MACROD2: variants seen among roughly 807,000 people sequenced by gnomAD.
The protein encoded by MACROD2 is ADP-ribose glycohydrolase MACROD2.
A neutral mutation model predicts 70.4 loss-of-function variants in MACROD2; 36 were observed. The ratio of observed to expected loss-of-function variants is 0.51; its 90% CI spans 0.39 to 0.68. The LOEUF (loss-of-function observed/expected upper bound fraction) is 0.68, where lower values mean the gene tolerates loss of function less well. Among genes scored for constraint, MACROD2 ranks in the 30% least tolerant of loss-of-function variants. MACROD2 has a pLI of 0.00. For missense variants in MACROD2, 496 were observed against 538.4 expected (o/e 0.92, Z 0.78); for synonymous variants, 172 against 178.8 (o/e 0.96, Z 0.30).
At chr20:14,576,527 T>C (rs978789415) in intron 4 of MACROD2, among the ~76,000 whole-genome samples, 1 of 152,210 alleles carries the variant, frequency 6.6e-6, no homozygotes, top group African/African-American at 2.4e-5. Context: ...AAGTTGCTTT[T>C]GGGAACCAGT....
chr20:16,021,270 AT>A (rs2066997764), intron 15 of MACROD2, among the ~76,000 whole-genome samples: 1 of 152,170 alleles, frequency 6.6e-6, no homozygotes, highest in East Asian at 1.9e-4. Context: ...TCATGACCGC[AT>A]TCTCTCCTGG....
At chr20:14,972,163 T>C (rs1471425922) in intron 5 of MACROD2, among the ~76,000 whole-genome samples, 1 of 152,212 alleles carries the variant, frequency 6.6e-6, no homozygotes, top group Non-Finnish European at 1.5e-5. Context: ...TGCCAGGCCA[T>C]TAGGGGCTGT....
At chr20:14,277,904 A>G (rs769335633) in intron 3 of MACROD2, among the ~76,000 whole-genome samples, 24 of 152,322 alleles carry the variant, frequency 1.6e-4, no homozygotes, top group Middle Eastern at 3.4e-3. Flanking sequence ...CTGCAGAATT[A>G]TTTCACCATT....
intron 4 of MACROD2, among the ~76,000 whole-genome samples, chr20:14,639,560 C>G (rs375268839): frequency 6.6e-6 from 1 of 152,114 alleles, no homozygotes; most frequent in Non-Finnish European, 1.5e-5. Context: ...GTTCAATTGC[C>G]GTCAGGATAC....
At chr20:15,955,821 A>G (rs767514363) in intron 12 of MACROD2, among the ~76,000 whole-genome samples, 1 of 152,210 alleles carries the variant, frequency 6.6e-6, no homozygotes, top group Non-Finnish European at 1.5e-5. Context: ...TTATTGATAC[A>G]TGCATCAGGA....
At chr20:15,664,531 C>T (rs12480168) in intron 8 of MACROD2, among the ~76,000 whole-genome samples, 16,858 of 152,180 alleles carry the variant, frequency 0.11, 1,345 homozygotes, top group East Asian at 0.36. Context: ...TTTTGACTTA[C>T]ATGTCTGGGG....
In MACROD2 at chr20:15,229,414, A is replaced by G. The variant is rs903619576; in HGVS notation, c.419-526A>G. 1.4e-4 allele frequency among the ~76,000 whole-genome samples: 21 copies of G among 152,260 alleles called. No individual in the cohort carries two copies. In the South Asian group the frequency reaches 2.3e-3, roughly 17 times the overall value. On this transcript the variant is annotated intron_variant, in intron 5 of 17. Transcript: ENST00000684519. ...TCAAAATTGGCAGGAATGTTTTGCAATTATTCTTCTCAAGGTTATTAATGA... is the reference window on the plus strand; with the variant it reads ...TCAAAATTGGCAGGAATGTTTTGCAGTTATTCTTCTCAAGGTTATTAATGA...
At chr20:14,919,490 T>C (rs896309960) in intron 5 of MACROD2, among the ~76,000 whole-genome samples, 5 of 152,214 alleles carry the variant, frequency 3.3e-5, no homozygotes, top group African/African-American at 1.2e-4. Context: ...TCTGCTACTT[T>C]GAAAAGCAGT....
At chr20:16,031,112 G>A (rs558079009) in intron 15 of MACROD2, among the ~76,000 whole-genome samples, 104 of 152,108 alleles carry the variant, frequency 6.8e-4, no homozygotes, top group Non-Finnish European at 1.4e-3. Flanking sequence ...TATTCACAAT[G>A]TATTAGACAG....
chr20:14,972,719 G>A (rs1292928987), intron 5 of MACROD2, among the ~76,000 whole-genome samples: 1 of 152,130 alleles, frequency 6.6e-6, no homozygotes, highest in Non-Finnish European at 1.5e-5. Context: ...GAGCACTTTG[G>A]ATTCATTTAG....
chr20:16,038,539 T>TG (rs2067265207), intron 15 of MACROD2, among the ~76,000 whole-genome samples: 1 of 151,562 alleles, frequency 6.6e-6, no homozygotes, highest in African/African-American at 2.4e-5. Context: ...GGGGTTTTTT[T>TG]TTTTCGGTTC....
At chr20:14,027,410 T>G (rs952888112) in intron 2 of MACROD2, among the ~76,000 whole-genome samples, 1 of 152,066 alleles carries the variant, frequency 6.6e-6, no homozygotes, top group African/African-American at 2.4e-5. Flanking sequence ...AGAGCATGCT[T>G]CTTTAGCTTG....
intron 8 of MACROD2, among the ~76,000 whole-genome samples, chr20:15,646,749 T>G (rs1408378490): frequency 6.6e-6 from 1 of 152,184 alleles, no homozygotes; most frequent in Non-Finnish European, 1.5e-5. Flanking sequence ...CACTTCTCTT[T>G]CCTGCAGCCT....
At chr20:15,541,664 TTC>T (rs1339781877) in intron 8 of MACROD2, among the ~76,000 whole-genome samples, 4 of 152,240 alleles carry the variant, frequency 2.6e-5, no homozygotes, top group Non-Finnish European at 5.9e-5. Flanking sequence ...TTAATAGATT[TTC>T]TGTTTCTAAT....
At chr20:14,763,195 T>C (rs1030086701) in intron 5 of MACROD2, among the ~76,000 whole-genome samples, 1 of 147,144 alleles carries the variant, frequency 6.8e-6, no homozygotes, top group Admixed American at 6.8e-5. Context: ...CAAAACTCCT[T>C]CTAAATAAAA....
Position 15,952,494 on chromosome 20 carries a change from C to T in MACROD2, c.907+14950C>T, listed in dbSNP as rs146984267. Among the ~76,000 whole-genome samples, 12 of 152,174 alleles carry T rather than the reference C, an allele frequency of 7.9e-5. No individual in the cohort carries two copies. In the East Asian group the frequency reaches 2.3e-3, roughly 29 times the overall value. ...CCTACCAGAATCCTAGTGTAGACCA[C>T]TCTAGACTTGGATATCCAACCACCT... On this transcript the variant is annotated intron_variant, in intron 12 of 17. Transcript: ENST00000684519.
intron 6 of MACROD2, among the ~76,000 whole-genome samples, chr20:15,311,258 T>C (rs553684172): frequency 2.0e-5 from 3 of 152,270 alleles, no homozygotes; most frequent in African/African-American, 7.2e-5. Flanking sequence ...ATAGTAATGT[T>C]TGATAGCAAA....
At chr20:14,118,062 C>T (rs1010181086) in intron 3 of MACROD2, among the ~76,000 whole-genome samples, 1 of 152,192 alleles carries the variant, frequency 6.6e-6, no homozygotes, top group Non-Finnish European at 1.5e-5. Flanking sequence ...GGTCTACAAA[C>T]ATGTGAGCTA....
chr20:15,609,509 G>A (rs751731923), intron 8 of MACROD2, among the ~76,000 whole-genome samples: 1 of 152,152 alleles, frequency 6.6e-6, no homozygotes, highest in Non-Finnish European at 1.5e-5. Flanking sequence ...CCATCCATAT[G>A]CTTCTCTGAG....
Sources: allele counts gnomAD v4.1 joint callset (sites outside exome capture counted in the v4.1 genomes callset), GRCh38; gene constraint gnomAD v4.1.1; transcripts MANE v1.5; gene names NCBI Gene and HGNC (gene_info 2026-07-23, HGNC 2026-07-21).